The following PRKN variants were observed in gnomAD, a reference collection of about 807,000 sequenced individuals.
PRKN encodes the protein E3 ubiquitin-protein ligase parkin.
In PRKN, 56 loss-of-function variants were observed where a neutral mutation model predicts 59.5. That is an observed-to-expected ratio of 0.94 (90% confidence interval 0.76 to 1.18). The LOEUF (loss-of-function observed/expected upper bound fraction) is 1.18. Among genes scored for constraint, PRKN ranks in the 50% most tolerant of loss-of-function variants. The probability of loss-of-function intolerance (pLI) is 0.00; values close to 1 mark genes in which losing one functional copy is unlikely to be tolerated. For synonymous variants in PRKN, 250 were observed against 222.1 expected (o/e 1.13, Z -1.12); for missense variants, 657 against 596.4 (o/e 1.10, Z -1.06).
chr6:162,078,582 T>C (rs1000927793), intron 4 of PRKN, among the ~76,000 whole-genome samples: 2 of 152,090 alleles, frequency 1.3e-5, no homozygotes, highest in African/African-American at 4.8e-5. Context: ...TAGAACTTAG[T>C]GTCAAACATT....
Position 161,533,040 on chromosome 6 carries a change from G to A in PRKN, c.1083+15814C>T, listed in dbSNP as rs1779282548. On this transcript the variant is annotated intron_variant, in intron 9 of 11. Transcript: ENST00000366898. This position sits in a 1 kb window ranked among gnomAD's most constrained non-coding sequence, Gnocchi z 4.1. ...AGATTTAAAAAAGGCAGCAAATTATGCAGCATAATAAAGATGGGTGAGTAT... is the reference window on the plus strand; with the variant it reads ...AGATTTAAAAAAGGCAGCAAATTATACAGCATAATAAAGATGGGTGAGTAT... Among the ~76,000 whole-genome samples, 1 of 152,138 alleles carries A rather than the reference G, an allele frequency of 6.6e-6. No individual in the cohort carries two copies. The highest frequency in any genetic ancestry group is 2.1e-4 in the South Asian group (1 of 4,828).
intron 7 of PRKN, among the ~76,000 whole-genome samples, chr6:161,779,963 G>A (rs1334291658): frequency 6.6e-6 from 1 of 152,126 alleles, no homozygotes; most frequent in Non-Finnish European, 1.5e-5. Context: ...ACACATACAT[G>A]CAGACATAGA....
At chr6:161,621,451 T>G (rs1028844063) in intron 7 of PRKN, among the ~76,000 whole-genome samples, 4 of 152,100 alleles carry the variant, frequency 2.6e-5, no homozygotes, top group Admixed American at 2.6e-4. Context: ...GGGGTCCTGA[T>G]GTCCAAGGGC....
intron 7 of PRKN, among the ~76,000 whole-genome samples, chr6:161,754,540 G>A (rs530469072): frequency 1.3e-5 from 2 of 152,142 alleles, no homozygotes; most frequent in Admixed American, 6.5e-5. Flanking sequence ...AGAAGACAGC[G>A]GAATTGAAGA....
intron 4 of PRKN, among the ~76,000 whole-genome samples, chr6:162,136,705 A>G (rs1007235359): frequency 6.6e-6 from 1 of 152,202 alleles, no homozygotes; most frequent in African/African-American, 2.4e-5. Flanking sequence ...GATCAGCTGA[A>G]TTGCTGATTT....
chr6:162,381,282 C>G (rs1415401880), intron 2 of PRKN, among the ~76,000 whole-genome samples: 1 of 152,124 alleles, frequency 6.6e-6, no homozygotes, highest in African/African-American at 2.4e-5. Flanking sequence ...CCCTGTTTTT[C>G]AATTATATTT....
chr6:161,915,938 C>A (rs1164422812), intron 6 of PRKN, among the ~76,000 whole-genome samples: 2 of 152,104 alleles, frequency 1.3e-5, no homozygotes, highest in Non-Finnish European at 2.9e-5. Flanking sequence ...GAAGGATGAT[C>A]ATGGCTGCGA....
At chr6:161,710,841 TTTCCTTCTTCCCTTCCCTTCCCTTTCC>T (rs139452324) in intron 7 of PRKN, among the ~76,000 whole-genome samples, 54,365 of 135,916 alleles carry the variant, frequency 0.4, 11,119 homozygotes, top group Admixed American at 0.58. Context: ...TCCTTCCCCC[TTTCCTTCTTCCCTTCCCTTCCCTTTCC>T]TTCCTTCCTT....
intron 1 of PRKN, among the ~76,000 whole-genome samples, chr6:162,444,638 A>C (rs1790221509): frequency 6.6e-6 from 1 of 152,162 alleles, no homozygotes. Flanking sequence ...GCTATCAGCT[A>C]CTGCAAAAGC....
chr6:161,749,408 T>C (rs1456464843), intron 7 of PRKN, among the ~76,000 whole-genome samples: 1 of 152,240 alleles, frequency 6.6e-6, no homozygotes, highest in Non-Finnish European at 1.5e-5. Context: ...CATCTGTATC[T>C]GTTAAGTTAT....
rs138044825 is a variant in PRKN at position 162,377,625 on chromosome 6, C to T, written c.171+65685G>A. On this transcript the variant is annotated intron_variant, in intron 2 of 11. Coordinates refer to ENST00000366898, the MANE Select transcript of PRKN (RefSeq NM_004562.3). Reference sequence around the variant, plus strand: ...ACAGGCCCATGGCCAGCCTACAGATCGGCTCCCTGATGTCATGCCATGGCC... The same window carrying T: ...ACAGGCCCATGGCCAGCCTACAGATTGGCTCCCTGATGTCATGCCATGGCC... 1.6e-4 allele frequency among the ~76,000 whole-genome samples: 25 copies of T among 152,270 alleles called. 1 individual carries two copies. The East Asian group carries it at 3.5e-3, about 21-fold the overall frequency.
At chr6:161,368,146 C>A (rs1785283499) in intron 10 of PRKN, among the ~76,000 whole-genome samples, 1 of 151,446 alleles carries the variant, frequency 6.6e-6, no homozygotes, top group African/African-American at 2.4e-5. Flanking sequence ...CAGCTTGTGG[C>A]CAGGCGCAGT....
intron 6 of PRKN, 150 bp downstream of exon 6, chr6:161,973,152 T>A: frequency 1.5e-6 from 1 of 671,900 alleles, no homozygotes; most frequent in Non-Finnish European, 2.7e-6. Flanking sequence ...CGCATCAAAA[T>A]AAAGCAGACA....
chr6:162,269,630 T>G (rs553088679), intron 2 of PRKN: 1 of 152,334 alleles, frequency 6.6e-6, no homozygotes, highest in Admixed American at 6.5e-5. Flanking sequence ...GTCTATGGTC[T>G]GTAAAGTAGG....
chr6:161,908,221 G>A (rs567900701), intron 6 of PRKN, among the ~76,000 whole-genome samples: 4 of 152,294 alleles, frequency 2.6e-5, no homozygotes, highest in African/African-American at 7.2e-5. Flanking sequence ...TCAATGACCT[G>A]GGGAGCACGT....
At chr6:162,692,947 C>G (rs1777835937) in intron 1 of PRKN, among the ~76,000 whole-genome samples, 1 of 152,142 alleles carries the variant, frequency 6.6e-6, no homozygotes, top group African/African-American at 2.4e-5. Context: ...CATGACCAGT[C>G]TCTGTTCAGA....
intron 1 of PRKN, among the ~76,000 whole-genome samples, chr6:162,603,761 G>C (rs1583889167): frequency 6.6e-6 from 1 of 152,060 alleles, no homozygotes; most frequent in East Asian, 1.9e-4. Context: ...TGAGAGAGTA[G>C]AGCACGCTGG....
chr6:161,613,996 GT>G (rs1166208605), intron 7 of PRKN, among the ~76,000 whole-genome samples: 1 of 152,152 alleles, frequency 6.6e-6, no homozygotes, highest in Non-Finnish European at 1.5e-5. Flanking sequence ...GCAAATTTCA[GT>G]TTTGTAGGGA....
At chr6:162,610,979 A>C (rs1263054582) in intron 1 of PRKN, among the ~76,000 whole-genome samples, 1 of 152,240 alleles carries the variant, frequency 6.6e-6, no homozygotes, top group Non-Finnish European at 1.5e-5. Flanking sequence ...CTTAGCATAC[A>C]GGAGAATCAT....
Sources: gnomAD v4.1 joint callset for allele counts (sites outside exome capture counted in the v4.1 genomes callset) on GRCh38, gnomAD v4.1.1 for gene constraint, Gnocchi (gnomAD v3.1) non-coding constraint, MANE v1.5 for transcripts, NCBI Gene and HGNC (gene_info 2026-07-23, HGNC 2026-07-21) for gene names.